XPO4: variants seen among roughly 807,000 people sequenced by gnomAD.
XPO4 encodes the protein exportin-4.
Under a neutral mutation model 143.0 loss-of-function variants are expected in XPO4, and 39 were observed. The observed-to-expected ratio is 0.27, with a 90% confidence interval of 0.21 to 0.36. XPO4 has a LOEUF of 0.36. XPO4 is among the 10% of genes least tolerant of loss of function. The probability of loss-of-function intolerance (pLI) is 1.00; values close to 1 mark genes in which losing one functional copy is unlikely to be tolerated. For synonymous variants in XPO4, 439 were observed against 474.0 expected (o/e 0.93, Z 0.96); for missense variants, 907 against 1,348.0 (o/e 0.67, Z 5.12).
At chr13:20,809,699 T>C (rs1459315771) in intron 10 of XPO4, 92 bp downstream of exon 10, 5 of 1,364,616 alleles carry the variant, frequency 3.7e-6, no homozygotes, top group Non-Finnish European at 4.9e-6. Flanking sequence ...AGGGAACCCA[T>C]CCTAAATTTC....
chr13:20,895,978 C>T (rs1161338915), intron 1 of XPO4, among the ~76,000 whole-genome samples: 5 of 152,116 alleles, frequency 3.3e-5, no homozygotes, highest in African/African-American at 1.2e-4. Flanking sequence ...CAAGTATTTC[C>T]ATAAACTGAA....
intron 7 of XPO4, among the ~76,000 whole-genome samples, chr13:20,824,188 A>G (rs1380235089): frequency 6.6e-6 from 1 of 152,224 alleles, no homozygotes; most frequent in African/African-American, 2.4e-5. Context: ...TATATAGTAA[A>G]TTCCAAGTAC....
chr13:20,897,336 A>AACTC (rs2060579284), intron 1 of XPO4, among the ~76,000 whole-genome samples: 1 of 152,168 alleles, frequency 6.6e-6, no homozygotes, highest in African/African-American at 2.4e-5. Flanking sequence ...TATTTCCCCA[A>AACTC]ACTATATTCT....
chr13:20,838,609 C>CA (rs36097222), intron 6 of XPO4, among the ~76,000 whole-genome samples: 164 of 87,650 alleles, frequency 1.9e-3, no homozygotes, highest in East Asian at 8.3e-3. Flanking sequence ...GACTCCATCT[C>CA]AAAAAAAAAA....
intron 1 of XPO4, among the ~76,000 whole-genome samples, chr13:20,875,914 C>T (rs989642070): frequency 1.3e-5 from 2 of 151,662 alleles, no homozygotes; most frequent in Non-Finnish European, 1.5e-5. Flanking sequence ...CAAGATAATC[C>T]TAACTCATGT....
Position 20,780,715 on chromosome 13 carries a change from C to T in XPO4, c.*3007G>A, listed in dbSNP as rs2059132820. The T allele has an allele frequency of 1.7e-4, 26 of 152,152 alleles. No individual in the cohort carries two copies. Among genetic ancestry groups the T allele is most frequent in the Admixed American group, 1.7e-3 (26 of 15,284 alleles). The allele number at this position is 152,152 out of a possible 1,614,324, so 9.4% of individuals were successfully genotyped here. A position where few individuals can be genotyped will look rare whatever the true frequency, so the allele number is the denominator to read the frequency against. On this transcript the variant is annotated 3_prime_UTR_variant, in exon 23 of 23. Coordinates refer to ENST00000255305, the MANE Select transcript of XPO4 (RefSeq NM_022459.5). ...AGTCATACTTTACACCAGACAAAAACTCAATGCAGTGATGTTAACATGCTA... is the reference window on the plus strand; with the variant it reads ...AGTCATACTTTACACCAGACAAAAATTCAATGCAGTGATGTTAACATGCTA...
intron 1 of XPO4, among the ~76,000 whole-genome samples, chr13:20,872,000 C>G (rs2060303509): frequency 6.6e-6 from 1 of 152,106 alleles, no homozygotes; most frequent in Admixed American, 6.5e-5. Context: ...TTTCTACAAC[C>G]AGAATTTTAA....
intron 1 of XPO4, among the ~76,000 whole-genome samples, chr13:20,876,080 T>C (rs1401705381): frequency 2.3e-4 from 28 of 120,426 alleles, no homozygotes; most frequent in Non-Finnish European, 4.0e-4. Flanking sequence ...TGAAACCCCA[T>C]CTCTACTAAA....
At chr13:20,879,920 C>T (rs1158391730) in intron 1 of XPO4, among the ~76,000 whole-genome samples, 1 of 152,178 alleles carries the variant, frequency 6.6e-6, no homozygotes, top group East Asian at 1.9e-4. Context: ...CGTTAACAGA[C>T]ATTTCTCCAA....
chr13:20,851,400 G>A, intron 4 of XPO4: 2 of 985,218 alleles, frequency 2.0e-6, no homozygotes, highest in South Asian at 9.4e-5. Context: ...TATTACAGTA[G>A]TTCTCAGCCC....
intron 9 of XPO4, among the ~76,000 whole-genome samples, chr13:20,810,798 T>A (rs144308369): frequency 6.6e-6 from 1 of 152,226 alleles, no homozygotes; most frequent in South Asian, 2.1e-4. Context: ...TGAGGCTGTA[T>A]ACGCTTCAAG....
chr13:20,842,401 AT>A (rs1235979509), intron 6 of XPO4, among the ~76,000 whole-genome samples: 2 of 152,162 alleles, frequency 1.3e-5, no homozygotes, highest in African/African-American at 4.8e-5. Context: ...CAAAATTCTC[AT>A]TTTTTTATAC....
Position 20,822,283 on chromosome 13 carries a change from G to A in XPO4, c.847C>T (p.Arg283Ter). 1.9e-6 allele frequency: 3 copies of A among 1,611,546 alleles called. No homozygotes were observed. The highest frequency in any genetic ancestry group is 2.5e-6 in the Non-Finnish European group (3 of 1,178,778). ...RVMELFFTVH[R>*]KIREDSDMAQ... Reference sequence around the variant, plus strand: ...ATATCTGAATCTTCTCTGATTTTTCGATGTACCTGTTAGAAAGAATTACTA... The same window carrying A: ...ATATCTGAATCTTCTCTGATTTTTCAATGTACCTGTTAGAAAGAATTACTA... The change falls in exon 8 of 23, where the codon CGA becomes TGA. Residue 283 changes from arginine (R) to a stop codon, truncating the protein, a stop_gained. Transcript: ENST00000255305. LOFTEE classifies it high-confidence loss of function.
intron 6 of XPO4, among the ~76,000 whole-genome samples, chr13:20,828,082 C>T (rs1023170192): frequency 6.6e-6 from 1 of 152,022 alleles, no homozygotes; most frequent in Non-Finnish European, 1.5e-5. Context: ...ACTAAAAATA[C>T]AAAAATTAGC....
intron 1 of XPO4, among the ~76,000 whole-genome samples, chr13:20,876,093 CA>C (rs11301411): frequency 0.51 from 46,756 of 90,904 alleles, 10,261 homozygotes; most frequent in Middle Eastern, 0.63. Flanking sequence ...CTACTAAATA[CA>C]AAAAAAAAAA....
At chr13:20,848,475 A>T in intron 4 of XPO4, 1 of 985,430 alleles carries the variant, frequency 1.0e-6, no homozygotes, top group Non-Finnish European at 1.2e-6. Flanking sequence ...CATAATGCTT[A>T]AAAATACCAT....
chr13:20,807,483 C>T lies in XPO4; in HGVS notation c.1791G>A (p.Gly597=). The T allele has an allele frequency of 1.2e-6, 2 of 1,613,486 alleles. No homozygotes were observed. Among genetic ancestry groups the T allele is most frequent in the Admixed American group, 1.7e-5 (1 of 59,932 alleles). Residue 597 remains glycine (G), a synonymous_variant, in exon 13 of 23, where the codon GGG becomes GGA. Transcript: ENST00000255305. Reference sequence around the variant, plus strand: ...TAATCACAGAATCTGTTCTGTTGTACCCTGGGATGGAAGAAGCCTTTTCTC... The same window carrying T: ...TAATCACAGAATCTGTTCTGTTGTATCCTGGGATGGAAGAAGCCTTTTCTC... ...SPGEKASSIP[G]YNRTDSVIRL... is the part of the protein sequence containing the mutation.
intron 4 of XPO4, chr13:20,852,415 C>G (rs1422576318): frequency 2.0e-6 from 2 of 985,312 alleles, no homozygotes; most frequent in African/African-American, 3.5e-5. Flanking sequence ...TCCACCACTT[C>G]TTTTTCCCCA....
At chr13:20,799,759 ATTG>A (rs1448923890) in intron 15 of XPO4, among the ~76,000 whole-genome samples, 1 of 152,356 alleles carries the variant, frequency 6.6e-6, no homozygotes, top group East Asian at 1.9e-4. Flanking sequence ...CATTTCTAGA[ATTG>A]TTGTAGAAAG....
Sources: gnomAD v4.1 joint callset for allele counts (sites outside exome capture counted in the v4.1 genomes callset) on GRCh38, gnomAD v4.1.1 for gene constraint, MANE v1.5 for transcripts, NCBI Gene and HGNC (gene_info 2026-07-23, HGNC 2026-07-21) for gene names.